PCCA: variants seen among roughly 807,000 people sequenced by gnomAD.
PCCA encodes the protein propionyl-CoA carboxylase subunit alpha.
Under a neutral mutation model 101.3 loss-of-function variants are expected in PCCA, and 74 were observed. The ratio of observed to expected loss-of-function variants is 0.73; its 90% CI spans 0.61 to 0.89. PCCA has a LOEUF of 0.89. Among genes scored for constraint, PCCA ranks in the 40% least tolerant of loss-of-function variants. The probability of loss-of-function intolerance (pLI) is 0.00; values close to 1 mark genes in which losing one functional copy is unlikely to be tolerated. For synonymous variants in PCCA, 294 were observed against 313.6 expected (o/e 0.94, Z 0.66); for missense variants, 891 against 907.0 (o/e 0.98, Z 0.23).
intron 20 of PCCA, 66 bp from the exon 21 acceptor site, chr13:100,449,186 A>G (rs931063716): frequency 5.1e-6 from 5 of 974,592 alleles, no homozygotes; most frequent in Non-Finnish European, 7.9e-6. Context: ...TTTTTTGGCT[A>G]TCGTGAACAT....
intron 19 of PCCA, among the ~76,000 whole-genome samples, chr13:100,419,583 A>T (rs542824280): frequency 6.6e-6 from 1 of 152,368 alleles, no homozygotes; most frequent in South Asian, 2.1e-4. Flanking sequence ...TGGTAAGAAA[A>T]TAGCTGCAGA....
intron 8 of PCCA, among the ~76,000 whole-genome samples, chr13:100,248,268 T>A (rs984110573): frequency 1.3e-5 from 2 of 152,310 alleles, no homozygotes; most frequent in East Asian, 3.8e-4. Context: ...CTTTGGATTC[T>A]GTTTTCTTTC....
At chr13:100,498,959 T>C (rs2085470200) in intron 21 of PCCA, among the ~76,000 whole-genome samples, 1 of 152,196 alleles carries the variant, frequency 6.6e-6, no homozygotes, top group Non-Finnish European at 1.5e-5. Flanking sequence ...AACAAGGCAT[T>C]GATTTGGTTC....
chr13:100,271,440 A>G (rs1240320279), intron 11 of PCCA, among the ~76,000 whole-genome samples: 2 of 151,930 alleles, frequency 1.3e-5, no homozygotes, highest in African/African-American at 4.8e-5. Flanking sequence ...GAGTCTAACT[A>G]GCAATCTATA....
At chr13:100,280,316 T>C (rs2063992604) in intron 12 of PCCA, among the ~76,000 whole-genome samples, 1 of 147,290 alleles carries the variant, frequency 6.8e-6, no homozygotes, top group Admixed American at 6.8e-5. Context: ...TTTTTTTTTG[T>C]AGCCCTGATT....
chr13:100,097,339 G>A (rs2046859735), intron 1 of PCCA, among the ~76,000 whole-genome samples: 1 of 152,126 alleles, frequency 6.6e-6, no homozygotes. Flanking sequence ...ATGGTTCCAT[G>A]CCTTGTGGAT....
intron 13 of PCCA, 53 bp from the exon 14 acceptor site, chr13:100,302,871 C>T (rs917369075): frequency 2.7e-5 from 27 of 985,682 alleles, no homozygotes; most frequent in South Asian, 2.7e-4. Flanking sequence ...TTTAACCTTA[C>T]TTGTGCTGAT....
intron 4 of PCCA, among the ~76,000 whole-genome samples, chr13:100,140,057 A>G (rs1444117647): frequency 6.6e-6 from 1 of 152,176 alleles, no homozygotes; most frequent in African/African-American, 2.4e-5. Flanking sequence ...ACATCCATAC[A>G]TGCCCAACCT....
At chr13:100,198,656 G>C (rs1363680246) in intron 6 of PCCA, among the ~76,000 whole-genome samples, 6 of 151,988 alleles carry the variant, frequency 3.9e-5, no homozygotes, top group Admixed American at 3.3e-4. Context: ...ACACCACCAT[G>C]CCTGGCTATT....
chr13:100,312,315 C>T (rs1489288780), intron 16 of PCCA, among the ~76,000 whole-genome samples: 1 of 152,158 alleles, frequency 6.6e-6, no homozygotes, highest in African/African-American at 2.4e-5. Context: ...TCTCTTGGTC[C>T]TTTGAAAGTA....
At chr13:100,343,145 A>G (rs906659582) in intron 18 of PCCA, among the ~76,000 whole-genome samples, 4 of 152,198 alleles carry the variant, frequency 2.6e-5, no homozygotes, top group African/African-American at 9.6e-5. Flanking sequence ...GCAGTGAGCC[A>G]AGAATGCGCC....
rs373970170 is a variant in PCCA, at chr13:100,301,713, TG to T, written c.1209+112del. 2.4e-4 allele frequency: 288 copies of T among 1,209,296 alleles called. 5 individuals carry two copies. In the East Asian group the frequency reaches 3.7e-3, roughly 16 times the overall value. 74.9% of individuals were successfully genotyped at this position (1,209,296 alleles called of 1,614,324 possible). On this transcript the variant is annotated intron_variant, in intron 13 of 23. Transcript: ENST00000376285. Reference sequence around the variant, plus strand: ...AGGGTTTTATAATGTTGCCAACTATTGGATTACGTAATCCATAATTAAATCA... The same window carrying T: ...AGGGTTTTATAATGTTGCCAACTATTGATTACGTAATCCATAATTAAATCA...
intron 6 of PCCA, among the ~76,000 whole-genome samples, chr13:100,187,582 A>G (rs894632057): frequency 1.3e-5 from 2 of 152,212 alleles, no homozygotes; most frequent in Non-Finnish European, 2.9e-5. Context: ...GTTAGAGTCA[A>G]ACAGTGTTTT....
intron 6 of PCCA, among the ~76,000 whole-genome samples, chr13:100,199,354 T>C (rs2058328957): frequency 6.6e-6 from 1 of 152,294 alleles, no homozygotes; most frequent in South Asian, 2.1e-4. Flanking sequence ...ATTTAAGTCT[T>C]GTCCATTTAT....
chr13:100,122,057 C>A (rs2049453280), intron 4 of PCCA, among the ~76,000 whole-genome samples: 1 of 152,174 alleles, frequency 6.6e-6, no homozygotes, highest in South Asian at 2.1e-4. Flanking sequence ...GGATTTTTAT[C>A]AAGAACAGGT....
At chr13:100,117,967 T>C (rs1177225853) in intron 4 of PCCA, among the ~76,000 whole-genome samples, 1 of 151,456 alleles carries the variant, frequency 6.6e-6, no homozygotes, top group African/African-American at 2.4e-5. Flanking sequence ...ATACAAAAAA[T>C]TAGCCAGGCG....
intron 21 of PCCA, among the ~76,000 whole-genome samples, chr13:100,459,007 G>A (rs1027042916): frequency 2.0e-5 from 3 of 152,120 alleles, no homozygotes; most frequent in African/African-American, 7.2e-5. Context: ...CGCCTCCCTA[G>A]AGGCTCTTAG....
intron 12 of PCCA, among the ~76,000 whole-genome samples, chr13:100,286,009 A>G (rs144899379): frequency 6.6e-6 from 1 of 152,248 alleles, no homozygotes; most frequent in African/African-American, 2.4e-5. Context: ...CAGATATGCC[A>G]GCAACTCTTC....
intron 21 of PCCA, among the ~76,000 whole-genome samples, chr13:100,512,523 T>TA (rs1020434608): frequency 2.0e-5 from 3 of 152,186 alleles, no homozygotes; most frequent in Non-Finnish European, 2.9e-5. Context: ...AACACCTTCC[T>TA]AAGCCAGCGG....
Sources: gnomAD v4.1 joint callset for allele counts (sites outside exome capture counted in the v4.1 genomes callset) on GRCh38, gnomAD v4.1.1 for gene constraint, MANE v1.5 for transcripts, NCBI Gene and HGNC (gene_info 2026-07-23, HGNC 2026-07-21) for gene names.